Variants in RPS19 observed in about 807,000 individuals in gnomAD.
RPS19 encodes the protein ribosomal protein S19.
Under a neutral mutation model 20.3 loss-of-function variants are expected in RPS19, and 1 was observed. The observed-to-expected ratio is 0.05, with a 90% CI of 0.02 to 0.23. The LOEUF (loss-of-function observed/expected upper bound fraction) is 0.23, where lower values mean the gene tolerates loss of function less well. Among genes scored for constraint, RPS19 ranks in the 10% least tolerant of loss-of-function variants. RPS19 has a pLI of 1.00. For missense variants in RPS19, 111 were observed against 192.7 expected (o/e 0.58, Z 2.51); for synonymous variants, 87 against 74.8 (o/e 1.16, Z -0.84).
In RPS19 at chr19:41,869,694, C is replaced by A; in HGVS notation, c.357-5C>A. ...GGGGCCTGCATGACCCTTCCCTCCC[C>A]ACAGCGGCCGCAAACTGACACCTCA... On this transcript the variant is annotated splice_polypyrimidine_tract_variant and splice_region_variant and intron_variant, in intron 4 of 5. Transcript: ENST00000598742. The A allele has an allele frequency of 6.2e-7, 1 of 1,613,944 alleles. No individual in the cohort carries two copies. Among genetic ancestry groups the A allele is most frequent in the South Asian group, 1.1e-5 (1 of 91,076 alleles).
chr19:41,862,956 A>G (rs1555839591), intron 3 of RPS19, among the ~76,000 whole-genome samples: 1 of 152,198 alleles, frequency 6.6e-6, no homozygotes, highest in African/African-American at 2.4e-5. Flanking sequence ...ATCTACATGC[A>G]CAAGGGCAGA....
chr19:41,869,425 G>A (rs372094175), intron 4 of RPS19, among the ~76,000 whole-genome samples: 7 of 152,318 alleles, frequency 4.6e-5, no homozygotes, highest in East Asian at 3.9e-4. Context: ...GTAATTTAGC[G>A]ACTATCTGCT....
At chr19:41,863,329 G>A (rs1555839728) in intron 3 of RPS19, among the ~76,000 whole-genome samples, 1 of 152,182 alleles carries the variant, frequency 6.6e-6, no homozygotes, top group Non-Finnish European at 1.5e-5. Context: ...GTTCCACCCA[G>A]TTTGGCAGTC....
rs1555841333 is a variant in RPS19 at position 41,869,110 on chromosome 19, A to G, written c.252A>G (p.Arg84=). The change falls in exon 4 of 6, where the codon AGA becomes AGG. Residue 84 remains arginine (R), a synonymous_variant. Coordinates refer to ENST00000598742, the MANE Select transcript of RPS19 (RefSeq NM_001022.4). ...CCAAGATCTATGGGGGACGTCAGAGAAACGGCGTCATGCCCAGCCACTTCA... is the reference window on the plus strand; with the variant it reads ...CCAAGATCTATGGGGGACGTCAGAGGAACGGCGTCATGCCCAGCCACTTCA... ...SMTKIYGGRQ[R]NGVMPSHFSR... The G allele has an allele frequency of 2.5e-6, 4 of 1,613,754 alleles. No homozygotes were observed. In the South Asian group the frequency reaches 3.3e-5, roughly 13 times the overall value.
intron 5 of RPS19, among the ~76,000 whole-genome samples, chr19:41,870,845 CTTCCTTTTTTTTTTTTTT>C (rs1203494173): frequency 6.2e-5 from 7 of 112,856 alleles, no homozygotes; most frequent in African/African-American, 2.3e-4. Context: ...CCGCCACTCC[CTTCCTTTTTTTTTTTTTT>C]TTTTTTTTTT....
chr19:41,861,329 T>C (rs2074029617), intron 3 of RPS19, 117 bp downstream of exon 3: 1 of 755,786 alleles, frequency 1.3e-6, no homozygotes, highest in Admixed American at 2.0e-5. Context: ...AAACCCTTGG[T>C]TGTGTCACCA....
At position 41,869,063 on chromosome 19, in the gene RPS19, G is replaced by A; in HGVS notation, c.205G>A (p.Gly69Ser). The change falls in exon 4 of 6, where the codon GGC (glycine) becomes AGC (serine). Residue 69 changes from glycine (G) to serine (S), a missense_variant. Physicochemically the swap from Gly to Ser is moderately conservative, Grantham distance 56 (BLOSUM62 0). Coordinates refer to ENST00000598742, the MANE Select transcript of RPS19 (RefSeq NM_001022.4). Reference protein sequence around the residue: ...STARHLYLRGGAGVGSMTKIY... With the variant: ...STARHLYLRGSAGVGSMTKIY... The stretch of plus-strand genomic sequence containing the variant: ...AGCGCGGCACCTGTACCTCCGGGGT[G>A]GCGCTGGGGTTGGCTCCATGACCAA... 1 of 1,613,746 alleles carries A rather than the reference G, an allele frequency of 6.2e-7. No individual in the cohort carries two copies. Among genetic ancestry groups the A allele is most frequent in the Non-Finnish European group, 8.5e-7 (1 of 1,179,864 alleles).
rs1328867329 is a variant in RPS19, at chr19:41,872,581, C to G, written c.*1204C>G. ...GCTGCTGGACAGTTCAGTTGGCAGTCCCCAAACGTAAGGCGTAAGAGTTTA... is the reference window on the plus strand; with the variant it reads ...GCTGCTGGACAGTTCAGTTGGCAGTGCCCAAACGTAAGGCGTAAGAGTTTA... On this transcript the variant is annotated 3_prime_UTR_variant, in exon 6 of 6. Transcript: ENST00000598742. The G allele has an allele frequency of 6.6e-6, 1 of 152,252 alleles. No homozygotes were observed. The highest frequency in any genetic ancestry group is 6.6e-5 in the Admixed American group (1 of 15,262). 9.4% of individuals were successfully genotyped at this position (152,252 alleles called of 1,614,324 possible). A position where few individuals can be genotyped will look rare whatever the true frequency, so the allele number is the denominator to read the frequency against.
rs139673082 is a variant in RPS19, at chr19:41,869,116, C to T, written c.258C>T (p.Gly86=). The T allele has an allele frequency of 6.2e-6, 10 of 1,613,694 alleles. No homozygotes were observed. The East Asian group carries it at 6.7e-5, about 11-fold the overall frequency. The change falls in exon 4 of 6, where the codon GGC becomes GGT. Residue 86 remains glycine, a synonymous_variant. Coordinates refer to ENST00000598742, the MANE Select transcript of RPS19 (RefSeq NM_001022.4). ...TKIYGGRQRN[G]VMPSHFSRGS... is the part of the protein sequence containing the mutation. Reference sequence around the variant, plus strand: ...TCTATGGGGGACGTCAGAGAAACGGCGTCATGCCCAGCCACTTCAGCCGAG... The same window carrying T: ...TCTATGGGGGACGTCAGAGAAACGGTGTCATGCCCAGCCACTTCAGCCGAG...
intron 4 of RPS19, 164 bp from the exon 5 acceptor site, chr19:41,869,535 C>A: frequency 1.4e-6 from 1 of 694,022 alleles, no homozygotes; most frequent in Non-Finnish European, 2.5e-6. Context: ...GGGGGGCTCC[C>A]ACTACTGCCC....
At chr19:41,869,803 C>T in intron 5 of RPS19, 50 bp downstream of exon 5, 6 of 1,578,268 alleles carry the variant, frequency 3.8e-6, no homozygotes, top group Non-Finnish European at 5.2e-6. Context: ...GCTGCCCAAG[C>T]ATTTCCAAAG....
chr19:41,871,531 C>T lies in RPS19; in HGVS notation c.*154C>T, dbSNP rs1290421782. On this transcript the variant is annotated 3_prime_UTR_variant, in exon 6 of 6. Coordinates refer to ENST00000598742, the MANE Select transcript of RPS19 (RefSeq NM_001022.4). The stretch of plus-strand genomic sequence containing the variant: ...TTCTGGGTTCAAATGATTCTCCTGC[C>T]TCAGCCTCCCAAAGTGCTGGGATTA... 4 of 696,950 alleles carry T rather than the reference C, an allele frequency of 5.7e-6. No homozygotes were observed. Among genetic ancestry groups the T allele is most frequent in the Middle Eastern group, 7.7e-4 (2 of 2,588 alleles). The allele number at this position is 696,950 out of a possible 1,614,324, so 43.2% of individuals were successfully genotyped here. A position where few individuals can be genotyped will look rare whatever the true frequency, so the allele number is the denominator to read the frequency against.
At chr19:41,867,291 T>C (rs1402063515) in intron 3 of RPS19, among the ~76,000 whole-genome samples, 4 of 151,148 alleles carry the variant, frequency 2.6e-5, no homozygotes, top group Admixed American at 2.6e-4. Context: ...GTATAATATT[T>C]GCATATATCC....
chr19:41,870,642 G>A (rs1555841764), intron 5 of RPS19, among the ~76,000 whole-genome samples: 1 of 152,012 alleles, frequency 6.6e-6, no homozygotes, highest in East Asian at 1.9e-4. Context: ...ACTGACTCAG[G>A]CCTCCTAGGA....
chr19:41,869,536 A>G (rs2074124230), intron 4 of RPS19, 163 bp from the exon 5 acceptor site: 1 of 699,670 alleles, frequency 1.4e-6, no homozygotes, highest in Non-Finnish European at 2.4e-6. Context: ...GGGGGCTCCC[A>G]CTACTGCCCC....
In RPS19 at chr19:41,869,270, A is replaced by G. The variant is rs1009689148; in HGVS notation, c.356+56A>G. 3.7e-5 allele frequency: 56 copies of G among 1,494,914 alleles called. No individual in the cohort carries two copies. In the Admixed American group the frequency reaches 6.9e-4, roughly 19 times the overall value. The allele number at this position is 1,494,914 out of a possible 1,614,324, so 92.6% of individuals were successfully genotyped here. A position where few individuals can be genotyped will look rare whatever the true frequency, so the allele number is the denominator to read the frequency against. Reference sequence around the variant, plus strand: ...GAGTAGCCTTGAGGCCCGGTCATCAATTCCCCAACGAATGGTCCTGCATAG... The same window carrying G: ...GAGTAGCCTTGAGGCCCGGTCATCAGTTCCCCAACGAATGGTCCTGCATAG... On this transcript the variant is annotated intron_variant, in intron 4 of 5. Coordinates refer to ENST00000598742, the MANE Select transcript of RPS19 (RefSeq NM_001022.4).
intron 3 of RPS19, chr19:41,864,028 A>G (rs1163299455): frequency 6.6e-6 from 1 of 152,090 alleles, no homozygotes; most frequent in Non-Finnish European, 1.5e-5. Flanking sequence ...TTTTTAGTAG[A>G]GACGGGTTTT....
At chr19:41,869,431 C>T (rs1885804126) in intron 4 of RPS19, among the ~76,000 whole-genome samples, 2 of 152,248 alleles carry the variant, frequency 1.3e-5, no homozygotes, top group African/African-American at 4.8e-5. Context: ...TAGCGACTAT[C>T]TGCTTTCATT....
At chr19:41,862,174 G>T (rs3786538) in intron 3 of RPS19, among the ~76,000 whole-genome samples, 69,591 of 152,042 alleles carry the variant, frequency 0.46, 16,789 homozygotes, top group Middle Eastern at 0.69. Context: ...TCCATGACCC[G>T]GAAAAGAGTT....
Sources: gnomAD v4.1 joint callset for allele counts (sites outside exome capture counted in the v4.1 genomes callset) on GRCh38, gnomAD v4.1.1 for gene constraint, MANE v1.5 for transcripts, NCBI Gene and HGNC (gene_info 2026-07-23, HGNC 2026-07-21) for gene names.